The following IL1RAPL1 variants were observed in gnomAD, a reference collection of about 807,000 sequenced individuals.
IL1RAPL1 encodes interleukin 1 receptor accessory protein like 1.
A neutral mutation model predicts 48.4 loss-of-function variants in IL1RAPL1; 3 were observed. The ratio of observed to expected loss-of-function variants is 0.06; its 90% CI spans 0.03 to 0.16. The LOEUF is 0.16. IL1RAPL1 is among the 10% of genes least tolerant of loss of function. The pLI, the probability that IL1RAPL1 is intolerant of heterozygous loss-of-function variation, is 1.00. For missense variants in IL1RAPL1, 349 were observed against 530.6 expected, an observed-to-expected ratio of 0.66 and a Z score of 3.36; for synonymous variants, 185 against 187.7, an observed-to-expected ratio of 0.99 and a Z score of 0.12.
intron 2 of IL1RAPL1, among the ~76,000 whole-genome samples, chrX:28,894,668 T>G (rs5943470): frequency 0.4 from 43,591 of 108,062 alleles, 6,523 homozygotes; most frequent in Middle Eastern, 0.57. Context: ...TTGTGATTTT[T>G]AGGGCCTCTA....
chrX:29,198,382 C>T (rs1300717073), intron 2 of IL1RAPL1, among the ~76,000 whole-genome samples: 1 of 109,581 alleles, frequency 9.1e-6, no homozygotes, highest in Non-Finnish European at 1.9e-5. Context: ...CTGCAGTCAC[C>T]GCCTCCCAGG....
chrX:28,855,022 T>C (rs937151742), intron 2 of IL1RAPL1, among the ~76,000 whole-genome samples: 6 of 106,360 alleles, frequency 5.6e-5, no homozygotes, highest in Non-Finnish European at 1.2e-4. Flanking sequence ...TTTTGTTTGT[T>C]TATTTGTTTG....
At chrX:29,250,383 C>T (rs907206163) in intron 2 of IL1RAPL1, among the ~76,000 whole-genome samples, 1 of 111,769 alleles carries the variant, frequency 8.9e-6, no homozygotes, top group Non-Finnish European at 1.9e-5. Context: ...CTGATTCCCA[C>T]CTTTCAGAAG....
rs916673798 is a variant in IL1RAPL1 at position 28,694,141 on chromosome X, G to T, written c.-24-95179G>T. ...CCATTCCTTGCAGTATTTGACTCTCGCTACCCAGGAAACCAGAGAACATTC... is the reference window on the plus strand; with the variant it reads ...CCATTCCTTGCAGTATTTGACTCTCTCTACCCAGGAAACCAGAGAACATTC... On this transcript the variant is annotated intron_variant, in intron 1 of 10. Coordinates refer to ENST00000378993, the MANE Select transcript of IL1RAPL1 (RefSeq NM_014271.4). Among the ~76,000 whole-genome samples, 8 of 111,052 alleles carry T rather than the reference G, an allele frequency of 7.2e-5. 1 individual carries two copies. In the Admixed American group the frequency reaches 7.7e-4, roughly 11 times the overall value.
chrX:29,150,225 A>G (rs1929434136), intron 2 of IL1RAPL1, among the ~76,000 whole-genome samples: 1 of 112,073 alleles, frequency 8.9e-6, no homozygotes, highest in African/African-American at 3.2e-5. Flanking sequence ...AATAGAAATG[A>G]TCATAGTTTA....
At chrX:29,907,693 G>T (rs766007244) in intron 6 of IL1RAPL1, among the ~76,000 whole-genome samples, 278 of 111,619 alleles carry the variant, frequency 2.5e-3, no homozygotes, top group African/African-American at 8.5e-3. Flanking sequence ...GTAATGTCCA[G>T]ATCTATCATC....
intron 2 of IL1RAPL1, among the ~76,000 whole-genome samples, chrX:29,174,867 G>T (rs1257341086): frequency 9.0e-6 from 1 of 110,924 alleles, no homozygotes; most frequent in Non-Finnish European, 1.9e-5. Flanking sequence ...GAGGTCAGGG[G>T]ATCGACACCA....
At chrX:29,762,495 T>C (rs1231995853) in intron 6 of IL1RAPL1, among the ~76,000 whole-genome samples, 2 of 111,652 alleles carry the variant, frequency 1.8e-5, no homozygotes, top group Non-Finnish European at 3.8e-5. Context: ...GAAGAATATG[T>C]CATTGCAAAT....
intron 5 of IL1RAPL1, among the ~76,000 whole-genome samples, chrX:29,512,340 G>A (rs1935402021): frequency 1.2e-5 from 1 of 82,712 alleles, no homozygotes; most frequent in Non-Finnish European, 2.6e-5. Flanking sequence ...AACTCTTTCC[G>A]AAGCTGAGTG....
chrX:29,871,060 C>T (rs1273435147), intron 6 of IL1RAPL1, among the ~76,000 whole-genome samples: 1 of 112,146 alleles, frequency 8.9e-6, no homozygotes, highest in Admixed American at 9.4e-5. Context: ...CATTTCCTTG[C>T]CTTTTCTAAA....
At chrX:29,826,670 G>C (rs906304165) in intron 6 of IL1RAPL1, among the ~76,000 whole-genome samples, 3 of 111,557 alleles carry the variant, frequency 2.7e-5, no homozygotes, top group African/African-American at 9.8e-5. Flanking sequence ...CCTTCACTTA[G>C]CATAAGGTTT....
At chrX:29,148,683 T>G (rs1174750822) in intron 2 of IL1RAPL1, among the ~76,000 whole-genome samples, 5 of 111,861 alleles carry the variant, frequency 4.5e-5, no homozygotes, top group Non-Finnish European at 1.9e-5. Context: ...GTATTCCCTT[T>G]TGTCAGCCTG....
At chrX:29,925,410 C>CTT (rs1569204989) in intron 8 of IL1RAPL1, among the ~76,000 whole-genome samples, 17 of 6,059 alleles carry the variant, frequency 2.8e-3, no homozygotes, top group African/African-American at 5.4e-3. Flanking sequence ...TGTCCCGTAA[C>CTT]TGTTTTTTTT....
At chrX:29,139,042 A>C (rs1203315544) in intron 2 of IL1RAPL1, among the ~76,000 whole-genome samples, 2 of 111,615 alleles carry the variant, frequency 1.8e-5, no homozygotes, top group Non-Finnish European at 3.8e-5. Context: ...CTGTGGGAAA[A>C]GTGCTCTGTA....
intron 5 of IL1RAPL1, among the ~76,000 whole-genome samples, chrX:29,512,367 A>G (rs1935402511): frequency 9.0e-6 from 1 of 111,650 alleles, no homozygotes; most frequent in Non-Finnish European, 1.9e-5. Context: ...TTCAAGAAAA[A>G]CGTTCAAAAA....
At chrX:29,603,098 G>A (rs1022438186) in intron 5 of IL1RAPL1, among the ~76,000 whole-genome samples, 7 of 109,347 alleles carry the variant, frequency 6.4e-5, no homozygotes, top group Admixed American at 9.8e-5. Flanking sequence ...AAACCCTGTC[G>A]CTATTAAAAA....
chrX:29,800,495 T>TACACACACAC (rs111338514), intron 6 of IL1RAPL1, among the ~76,000 whole-genome samples: 10 of 103,791 alleles, frequency 9.6e-5, no homozygotes, highest in African/African-American at 3.5e-4. Context: ...ATATCCCAAA[T>TACACACACAC]ACACACACAC....
intron 5 of IL1RAPL1, among the ~76,000 whole-genome samples, chrX:29,646,817 A>G (rs763713028): frequency 9.0e-6 from 1 of 111,202 alleles, no homozygotes; most frequent in Non-Finnish European, 1.9e-5. Flanking sequence ...TTTCAAAGTG[A>G]TTAAGGAAAA....
intron 2 of IL1RAPL1, among the ~76,000 whole-genome samples, chrX:29,259,332 C>T (rs1931811235): frequency 9.0e-6 from 1 of 111,373 alleles, no homozygotes; most frequent in Admixed American, 9.6e-5. Context: ...AGAAAGTATG[C>T]ATTAAAATTC....
Sources: gnomAD v4.1 joint callset for allele counts (sites outside exome capture counted in the v4.1 genomes callset) on GRCh38, gnomAD v4.1.1 for gene constraint, MANE v1.5 for transcripts, NCBI Gene and HGNC (gene_info 2026-07-23, HGNC 2026-07-21) for gene names.